ZNF469: variants seen among roughly 807,000 people sequenced by gnomAD.
ZNF469 encodes the protein zinc finger protein 469.
ZNF469 carries 1 observed loss-of-function variant against 1.0 expected under a neutral mutation model. That is an observed-to-expected ratio of 1.00 (90% confidence interval 0.35 to 4.73). ZNF469 has a LOEUF of 4.73. Among genes scored for constraint, ZNF469 ranks in the 30% most tolerant of loss-of-function variants. The pLI is 0.16. For missense variants in ZNF469, 6,100 were observed against 5,356.3 expected, an observed-to-expected ratio of 1.14 and a Z score of -4.33; for synonymous variants, 2,703 against 2,363.4, an observed-to-expected ratio of 1.14 and a Z score of -4.17.
At chr16:88,116,973 A>G in the ZNF469 span, among the ~76,000 whole-genome samples, 498 of 151,838 alleles carry the variant, frequency 3.3e-3, 1 homozygote, top group African/African-American at 8.1e-3. Flanking sequence ...ACACACACAC[A>G]CACACACACA....
chr16:88,416,592 C>T, intron 1 of ZNF469, among the ~76,000 whole-genome samples: 1 of 152,254 alleles, frequency 6.6e-6, no homozygotes, highest in East Asian at 1.9e-4. Flanking sequence ...AAAGAAGCCA[C>T]TTCAGACGCC....
the ZNF469 span, among the ~76,000 whole-genome samples, chr16:88,144,728 G>C: frequency 6.6e-6 from 1 of 152,328 alleles, no homozygotes; most frequent in African/African-American, 2.4e-5. Context: ...TTCAGCCTCA[G>C]ACAGTGAAGT....
the ZNF469 span, among the ~76,000 whole-genome samples, chr16:88,172,258 T>C: frequency 6.6e-6 from 1 of 152,162 alleles, no homozygotes; most frequent in Non-Finnish European, 1.5e-5. Flanking sequence ...AAGAAACTGC[T>C]GAAGGCTGGG....
At position 88,436,505 on chromosome 16, in the gene ZNF469, C is replaced by A; in HGVS notation, c.9035C>A (p.Ser3012Tyr). 5 of 1,548,544 alleles carry A rather than the reference C, an allele frequency of 3.2e-6. No homozygotes were observed. Among genetic ancestry groups the A allele is most frequent in the Non-Finnish European group, 4.4e-6 (5 of 1,146,958 alleles). The part of the protein sequence containing the change: ...MPAPADDSSS[S>Y]LGDVSPEPPS... ...GCCCCTGCCGATGACTCCTCCTCTT[C>A]TCTCGGAGATGTGAGCCCCGAGCCC... The change falls in exon 3 of 3, where the codon TCT becomes TAT. Residue 3012 changes from serine (S) to tyrosine (Y), a missense_variant. Ser to Tyr is a moderately radical substitution (Grantham distance 144). Coordinates refer to ENST00000565624, the MANE Select transcript of ZNF469 (RefSeq NM_001367624.2).
chr16:88,383,452 C>T (rs1275665525), intron 1 of ZNF469, among the ~76,000 whole-genome samples, 198 bp downstream of exon 1: 1 of 148,740 alleles, frequency 6.7e-6, no homozygotes, highest in African/African-American at 2.4e-5. Flanking sequence ...CTCCTCCTCC[C>T]GGGCCCGGAC....
At chr16:88,346,127 C>CTCT in the ZNF469 span, among the ~76,000 whole-genome samples, 1 of 152,238 alleles carries the variant, frequency 6.6e-6, no homozygotes, top group African/African-American at 2.4e-5. Flanking sequence ...TCCTTTCCTA[C>CTCT]TCTTCCTCCG....
chr16:88,276,249 C>T, the ZNF469 span, among the ~76,000 whole-genome samples: 2 of 152,084 alleles, frequency 1.3e-5, no homozygotes, highest in South Asian at 2.1e-4. Context: ...TGCGTGTAAG[C>T]GAGTGTGCTA....
At chr16:88,102,045 T>C in the ZNF469 span, among the ~76,000 whole-genome samples, 1 of 150,586 alleles carries the variant, frequency 6.6e-6, no homozygotes, top group Non-Finnish European at 1.5e-5. Flanking sequence ...GCCTCAGAAG[T>C]GACATTCACC....
At chr16:88,354,383 G>C in the ZNF469 span, among the ~76,000 whole-genome samples, 1 of 152,158 alleles carries the variant, frequency 6.6e-6, no homozygotes, top group Non-Finnish European at 1.5e-5. Flanking sequence ...CTGGAACCCG[G>C]GACGCAGGCG....
rs757944441 is a variant in ZNF469 at position 88,430,350 on chromosome 16, G to A, written c.2880G>A (p.Ser960=). ...QLKLFRKDLD[S]GGAAEGSGSG... is the part of the protein sequence containing the mutation. ...AGCTGTTCCGGAAGGATCTGGACTC[G>A]GGCGGCGCAGCAGAGGGGTCGGGGT... The change falls in exon 3 of 3, where the codon TCG becomes TCA. Residue 960 remains serine (S), a synonymous_variant. Transcript: ENST00000565624. 5 of 1,513,090 alleles carry A rather than the reference G, an allele frequency of 3.3e-6. No individual in the cohort carries two copies. In the African/African-American group the frequency reaches 4.2e-5, roughly 13 times the overall value. 93.7% of individuals were successfully genotyped at this position (1,513,090 alleles called of 1,614,324 possible).
At chr16:88,188,104 G>A in the ZNF469 span, among the ~76,000 whole-genome samples, 1 of 151,894 alleles carries the variant, frequency 6.6e-6, no homozygotes, top group Non-Finnish European at 1.5e-5. Flanking sequence ...AGCAAACAAC[G>A]AACTTTGCCA....
chr16:88,207,881 C>G, the ZNF469 span, among the ~76,000 whole-genome samples: 11,045 of 152,106 alleles, frequency 0.073, 473 homozygotes, highest in African/African-American at 0.12. Flanking sequence ...GCAAAGTCCC[C>G]TTTCCATATG....
chr16:88,428,907 T>C lies in ZNF469; in HGVS notation c.1437T>C (p.Ser479=), dbSNP rs1282137829. The C allele has an allele frequency of 3.9e-6, 6 of 1,545,048 alleles. No individual in the cohort carries two copies. Among genetic ancestry groups the C allele is most frequent in the Non-Finnish European group, 4.4e-6 (5 of 1,144,960 alleles). ...SPGQRLCLPQ[S]APLPWPQVLP... ...GCCAGCGGCTCTGCCTCCCCCAGAG[T>C]GCCCCCCTGCCTTGGCCCCAAGTGC... Residue 479 remains serine, a synonymous_variant, in exon 3 of 3, where the codon AGT becomes AGC. Coordinates refer to ENST00000565624, the MANE Select transcript of ZNF469 (RefSeq NM_001367624.2).
intron 1 of ZNF469, among the ~76,000 whole-genome samples, chr16:88,390,680 G>A (rs1289202320): frequency 6.6e-6 from 1 of 152,224 alleles, no homozygotes; most frequent in South Asian, 2.1e-4. Context: ...CCTCCAGAGG[G>A]TAGAAGCCAG....
intron 1 of ZNF469, among the ~76,000 whole-genome samples, chr16:88,412,431 TA>T (rs1444675045): frequency 2.0e-5 from 3 of 152,232 alleles, no homozygotes; most frequent in African/African-American, 7.2e-5. Flanking sequence ...GCACCTCGCT[TA>T]ACCTCTCTGA....
the ZNF469 span, among the ~76,000 whole-genome samples, chr16:88,338,699 A>G: frequency 3.3e-5 from 5 of 152,202 alleles, no homozygotes; most frequent in Non-Finnish European, 7.3e-5. Context: ...AGATGAGATC[A>G]GGCTGGTGTC....
At chr16:88,242,699 G>T in the ZNF469 span, among the ~76,000 whole-genome samples, 2 of 152,282 alleles carry the variant, frequency 1.3e-5, no homozygotes, top group Non-Finnish European at 2.9e-5. Context: ...GCAGCAGCGG[G>T]TTGAGGGTCA....
At chr16:88,340,794 G>A in the ZNF469 span, among the ~76,000 whole-genome samples, 38 of 152,234 alleles carry the variant, frequency 2.5e-4, no homozygotes, top group African/African-American at 8.7e-4. Context: ...GAGAGGGAGA[G>A]GGTGATGCAC....
At chr16:88,425,554 C>T (rs1418816098) in intron 2 of ZNF469, among the ~76,000 whole-genome samples, 1 of 152,198 alleles carries the variant, frequency 6.6e-6, no homozygotes, top group Admixed American at 6.5e-5. Context: ...AGGCCTTGAG[C>T]GGGTTCCCCA....
Sources: allele counts gnomAD v4.1 joint callset (sites outside exome capture counted in the v4.1 genomes callset), GRCh38; gene constraint gnomAD v4.1.1; transcripts MANE v1.5; gene names NCBI Gene and HGNC (gene_info 2026-07-23, HGNC 2026-07-21).